UBE2G1: variants seen among roughly 807,000 people sequenced by gnomAD.
UBE2G1 encodes the protein ubiquitin-conjugating enzyme E2 G1.
Under a neutral mutation model 22.7 loss-of-function variants are expected in UBE2G1, and 5 were observed. The observed-to-expected ratio is 0.22, with a 90% CI of 0.12 to 0.46. The LOEUF (loss-of-function observed/expected upper bound fraction) is 0.46. Ranked by LOEUF, UBE2G1 falls within the 20% of genes least tolerant of loss-of-function variation. The pLI is 0.99. For synonymous variants in UBE2G1, 74 were observed against 67.5 expected, an observed-to-expected ratio of 1.10 and a Z score of -0.47; for missense variants, 88 against 203.9, an observed-to-expected ratio of 0.43 and a Z score of 3.46.
chr17:4,358,744 G>A (rs551952393), intron 1 of UBE2G1, among the ~76,000 whole-genome samples: 1 of 152,246 alleles, frequency 6.6e-6, no homozygotes, highest in African/African-American at 2.4e-5. Context: ...CTGAGGTCAG[G>A]AGTTCAAGAC....
At chr17:4,315,964 C>A (rs1011037684) in intron 1 of UBE2G1, among the ~76,000 whole-genome samples, 4 of 150,960 alleles carry the variant, frequency 2.6e-5, no homozygotes, top group African/African-American at 7.3e-5. Context: ...CCCACCACCA[C>A]GCCCGGCTAA....
At chr17:4,321,528 T>C (rs954597785) in intron 1 of UBE2G1, among the ~76,000 whole-genome samples, 2 of 152,156 alleles carry the variant, frequency 1.3e-5, no homozygotes, top group Non-Finnish European at 2.9e-5. Context: ...AGTTTCACTC[T>C]GTGGCCCAGG....
At chr17:4,321,727 G>A (rs1355237731) in intron 1 of UBE2G1, among the ~76,000 whole-genome samples, 1 of 151,654 alleles carries the variant, frequency 6.6e-6, no homozygotes, top group Non-Finnish European at 1.5e-5. Context: ...TCCTGAGCTC[G>A]CCCCCCAACC....
chr17:4,277,465 G>T (rs1968834107), intron 5 of UBE2G1, among the ~76,000 whole-genome samples: 1 of 152,164 alleles, frequency 6.6e-6, no homozygotes, highest in Non-Finnish European at 1.5e-5. Context: ...CTCATCTGTG[G>T]CAAGGGGAGA....
chr17:4,306,553 T>A (rs190346835), intron 2 of UBE2G1, among the ~76,000 whole-genome samples: 1 of 152,216 alleles, frequency 6.6e-6, no homozygotes, highest in African/African-American at 2.4e-5. Context: ...ACACAAAAAC[T>A]CTTCCATGAT....
chr17:4,286,221 A>G (rs9897965), intron 4 of UBE2G1, among the ~76,000 whole-genome samples: 5,763 of 152,148 alleles, frequency 0.038, 402 homozygotes, highest in African/African-American at 0.13. Flanking sequence ...CCTGGCCAAC[A>G]TGGCAAAACC....
intron 1 of UBE2G1, among the ~76,000 whole-genome samples, chr17:4,355,256 G>A (rs1288063889): frequency 1.3e-5 from 2 of 151,388 alleles, no homozygotes; most frequent in East Asian, 4.0e-4. Flanking sequence ...ACCTGCCTCG[G>A]CCTCCCAAAG....
intron 1 of UBE2G1, among the ~76,000 whole-genome samples, chr17:4,338,623 T>G (rs1049585091): frequency 6.6e-6 from 1 of 152,176 alleles, no homozygotes; most frequent in Non-Finnish European, 1.5e-5. Context: ...CAGAGTATAC[T>G]CAATAAAAAT....
intron 2 of UBE2G1, among the ~76,000 whole-genome samples, chr17:4,300,509 C>T (rs1969164628): frequency 6.6e-6 from 1 of 151,902 alleles, no homozygotes; most frequent in Admixed American, 6.6e-5. Flanking sequence ...TGCCACTGCA[C>T]TCCAGCCTGG....
intron 1 of UBE2G1, among the ~76,000 whole-genome samples, chr17:4,361,896 C>T (rs984814125): frequency 5.6e-5 from 8 of 143,280 alleles, no homozygotes; most frequent in South Asian, 2.2e-4. Flanking sequence ...TAGCGGAGAT[C>T]GTGCCACTGC....
At chr17:4,284,791 C>CCCGAGACTG (rs1567514854) in intron 4 of UBE2G1, among the ~76,000 whole-genome samples, 1 of 144,950 alleles carries the variant, frequency 6.9e-6, no homozygotes, top group Non-Finnish European at 1.5e-5. Context: ...TTTTTTTCCC[C>CCCGAGACTG]CCGAGACTGT....
chr17:4,358,467 T>A (rs1019305233), intron 1 of UBE2G1, among the ~76,000 whole-genome samples: 1 of 152,048 alleles, frequency 6.6e-6, no homozygotes, highest in African/African-American at 2.4e-5. Context: ...TTTTTTTTTT[T>A]AAACTGTTGA....
intron 3 of UBE2G1, among the ~76,000 whole-genome samples, chr17:4,293,386 G>T (rs1046194382): frequency 6.6e-6 from 1 of 151,922 alleles, no homozygotes; most frequent in Non-Finnish European, 1.5e-5. Flanking sequence ...ATAATATTCC[G>T]TTATATGGGT....
chr17:4,339,710 G>A (rs577424648), intron 1 of UBE2G1, among the ~76,000 whole-genome samples: 1 of 152,212 alleles, frequency 6.6e-6, no homozygotes, highest in East Asian at 1.9e-4. Flanking sequence ...AATTAGGCAG[G>A]TGGTGGCACA....
intron 5 of UBE2G1, among the ~76,000 whole-genome samples, chr17:4,274,613 A>G (rs1968800638): frequency 1.3e-5 from 2 of 152,354 alleles, no homozygotes; most frequent in East Asian, 1.9e-4. Context: ...AACGACTGCT[A>G]TATGTCTTTC....
At chr17:4,333,479 C>T (rs1969606686) in intron 1 of UBE2G1, among the ~76,000 whole-genome samples, 1 of 152,034 alleles carries the variant, frequency 6.6e-6, no homozygotes, top group South Asian at 2.1e-4. Flanking sequence ...AATTCGACAC[C>T]AGCCTGGCCA....
intron 1 of UBE2G1, among the ~76,000 whole-genome samples, chr17:4,322,847 T>C (rs1047571453): frequency 6.6e-6 from 1 of 152,132 alleles, no homozygotes; most frequent in African/African-American, 2.4e-5. Flanking sequence ...CAAAAATGTA[T>C]AACCACCAGC....
At chr17:4,282,369 C>G (rs1021833166) in intron 5 of UBE2G1, among the ~76,000 whole-genome samples, 2 of 152,180 alleles carry the variant, frequency 1.3e-5, no homozygotes, top group Non-Finnish European at 2.9e-5. Flanking sequence ...AGGCATGAGC[C>G]ACCACGCCTG....
At chr17:4,351,317 A>C (rs1283340654) in intron 1 of UBE2G1, among the ~76,000 whole-genome samples, 1 of 152,240 alleles carries the variant, frequency 6.6e-6, no homozygotes, top group African/African-American at 2.4e-5. Context: ...ATCCTATCAC[A>C]GTCATATTGC....
Sources: allele counts gnomAD v4.1 joint callset (sites outside exome capture counted in the v4.1 genomes callset), GRCh38; gene constraint gnomAD v4.1.1; transcripts MANE v1.5; gene names NCBI Gene and HGNC (gene_info 2026-07-23, HGNC 2026-07-21).